The following ZNF589 variants were observed in gnomAD, a reference collection of about 807,000 sequenced individuals.
ZNF589 encodes KRAB-zinc finger protein SZF1-1.
A neutral mutation model predicts 13.6 loss-of-function variants in ZNF589; 17 were observed. The observed-to-expected ratio is 1.25, with a 90% CI of 0.86 to 1.88. The LOEUF is 1.88. ZNF589 is among the 40% of genes most tolerant of loss of function. The pLI is 0.00. For synonymous variants in ZNF589, 148 were observed against 161.6 expected, an observed-to-expected ratio of 0.92 and a Z score of 0.64; for missense variants, 407 against 434.0, an observed-to-expected ratio of 0.94 and a Z score of 0.55.
rs114050072 is a variant in ZNF589 at position 48,254,963 on chromosome 3, T to C, written c.97-5850T>C. 6.2e-4 allele frequency among the ~76,000 whole-genome samples: 94 copies of C among 152,240 alleles called. 1 individual carries two copies. Among genetic ancestry groups the C allele is most frequent in the African/African-American group, 2.2e-3 (93 of 41,558 alleles). On this transcript the variant is annotated intron_variant, in intron 2 of 3. Transcript: ENST00000354698. ...TTACTTCTTTTCAAATATGTGTACA[T>C]TTTCTTTTTCTTGTCTCATTGCAAT...
chr3:48,257,236 G>C (rs2033913770), intron 2 of ZNF589, among the ~76,000 whole-genome samples: 1 of 150,402 alleles, frequency 6.6e-6, no homozygotes, highest in Non-Finnish European at 1.5e-5. Context: ...ATAGTAAAAA[G>C]TTTTTGTTTT....
intron 3 of ZNF589, among the ~76,000 whole-genome samples, chr3:48,263,321 G>A (rs773896437): frequency 3.3e-5 from 5 of 152,134 alleles, no homozygotes; most frequent in Non-Finnish European, 7.4e-5. Flanking sequence ...TGTTGGTCAG[G>A]CTGGTCTCAA....
chr3:48,252,740 A>G (rs887825522), intron 2 of ZNF589, among the ~76,000 whole-genome samples: 4 of 143,772 alleles, frequency 2.8e-5, no homozygotes, highest in African/African-American at 1.0e-4. Context: ...CTCTTGCCTC[A>G]GCCTCCCAAG....
At chr3:48,256,351 T>C in intron 2 of ZNF589, 1 of 537,504 alleles carries the variant, frequency 1.9e-6, no homozygotes, top group East Asian at 5.0e-5. Context: ...TGTCTGTGAG[T>C]GATACAGCTT....
chr3:48,252,617 CTTTTTTTTTTTT>C (rs71625863), intron 2 of ZNF589, among the ~76,000 whole-genome samples: 9 of 97,286 alleles, frequency 9.3e-5, no homozygotes, highest in African/African-American at 2.2e-4. Flanking sequence ...AGAATAATAT[CTTTTTTTTTTTT>C]TTTTTTTTTT....
chr3:48,268,262 C>G lies in ZNF589; in HGVS notation c.571C>G (p.Pro191Ala). ...CAGAATATTAGAGATACAGCTCAGT[C>G]CAGCCCAGAATGCAAGCTCTGAGGA... ...GNRILEIQLS[P>A]AQNASSEEVD... is the part of the protein sequence containing the mutation. Residue 191 changes from proline (P) to alanine (A), a missense_variant, in exon 4 of 4, where the codon CCA becomes GCA. By Grantham distance (27) the Pro-to-Ala change is conservative. Transcript: ENST00000354698. 6.2e-7 allele frequency: 1 copy of G among 1,609,686 alleles called. No individual in the cohort carries two copies. Among genetic ancestry groups the G allele is most frequent in the East Asian group, 2.2e-5 (1 of 44,846 alleles).
In ZNF589 at chr3:48,260,881, G is replaced by C; in HGVS notation, c.165G>C (p.Glu55Asp). 1 of 1,614,206 alleles carries C rather than the reference G, an allele frequency of 6.2e-7. No individual in the cohort carries two copies. The highest frequency in any genetic ancestry group is 8.5e-7 in the Non-Finnish European group (1 of 1,180,040). The change falls in exon 3 of 4, where the codon GAG becomes GAC. Residue 55 changes from glutamate (E) to aspartate (D), a missense_variant. By Grantham distance (45) the Glu-to-Asp change is conservative (BLOSUM62 2). Transcript: ENST00000354698. Reference protein sequence around the residue: ...TEAEWKRLSLEQRNLYKEVML... With the variant: ...TEAEWKRLSLDQRNLYKEVML... ...CAGAGTGGAAGAGACTGAGCCTTGA[G>C]CAGAGGAACCTATACAAAGAAGTGA...
intron 2 of ZNF589, among the ~76,000 whole-genome samples, chr3:48,258,182 G>T (rs1047833869): frequency 1.3e-5 from 2 of 152,062 alleles, no homozygotes; most frequent in African/African-American, 4.8e-5. Context: ...CATTTATCTA[G>T]ATCTTTGATT....
At chr3:48,262,886 T>A (rs2033981771) in intron 3 of ZNF589, among the ~76,000 whole-genome samples, 1 of 152,204 alleles carries the variant, frequency 6.6e-6, no homozygotes, top group African/African-American at 2.4e-5. Flanking sequence ...ATGGCAGTGC[T>A]GGTTGTGGTG....
chr3:48,261,066 G>A (rs1040809275), intron 3 of ZNF589, 127 bp downstream of exon 3: 24 of 1,067,592 alleles, frequency 2.2e-5, no homozygotes, highest in Non-Finnish European at 3.1e-5. Flanking sequence ...TTCTTCTCTC[G>A]TGGAGCTTAT....
intron 1 of ZNF589, among the ~76,000 whole-genome samples, chr3:48,244,562 G>A (rs1213479020): frequency 6.6e-6 from 1 of 152,062 alleles, no homozygotes; most frequent in Admixed American, 6.6e-5. Flanking sequence ...AGGAGAAATT[G>A]TATATATGTC....
chr3:48,268,395 C>T lies in ZNF589; in HGVS notation c.704C>T (p.Ala235Val). The change falls in exon 4 of 4, where the codon GCA becomes GTA. Residue 235 changes from alanine to valine, a missense_variant. Ala to Val is a moderately conservative substitution (Grantham distance 64). Coordinates refer to ENST00000354698, the MANE Select transcript of ZNF589 (RefSeq NM_016089.3). ...AAGTCAAACCTGTTCAGACAGAAGG[C>T]AGTCACAGCAGAAAAATCTTCAGAC... is the stretch of plus-strand genomic sequence containing the variant. The part of the protein sequence containing the change: ...NQKSNLFRQK[A>V]VTAEKSSDKR... 1 of 1,614,210 alleles carries T rather than the reference C, an allele frequency of 6.2e-7. No individual in the cohort carries two copies. Among genetic ancestry groups the T allele is most frequent in the Non-Finnish European group, 8.5e-7 (1 of 1,180,038 alleles).
intron 2 of ZNF589, among the ~76,000 whole-genome samples, chr3:48,253,738 G>A (rs2033866715): frequency 6.6e-6 from 1 of 151,824 alleles, no homozygotes; most frequent in South Asian, 2.1e-4. Flanking sequence ...TCCTGACCTC[G>A]TGATCCACCC....
At chr3:48,263,165 A>G (rs1433503696) in intron 3 of ZNF589, among the ~76,000 whole-genome samples, 2 of 150,930 alleles carry the variant, frequency 1.3e-5, no homozygotes, top group East Asian at 3.9e-4. Flanking sequence ...GCTGGAGTGC[A>G]ATGGTGCAAT....
intron 3 of ZNF589, among the ~76,000 whole-genome samples, chr3:48,266,883 A>T (rs1160890256): frequency 6.6e-6 from 1 of 152,246 alleles, no homozygotes; most frequent in African/African-American, 2.4e-5. Flanking sequence ...ACATAATGCC[A>T]TAAGCATTTG....
In ZNF589 at chr3:48,263,737, C is replaced by T. The variant is rs533743414; in HGVS notation, c.223+2798C>T. ...TTGCGCCACTGCACTCCAACCTGGGCAACAGAGCAAGACTCCATCTTGGAG... is the reference window on the plus strand; with the variant it reads ...TTGCGCCACTGCACTCCAACCTGGGTAACAGAGCAAGACTCCATCTTGGAG... On this transcript the variant is annotated intron_variant, in intron 3 of 3. Coordinates refer to ENST00000354698, the MANE Select transcript of ZNF589 (RefSeq NM_016089.3). 2.6e-5 allele frequency among the ~76,000 whole-genome samples: 4 copies of T among 152,154 alleles called. No homozygotes were observed. The South Asian group carries it at 8.3e-4, about 32-fold the overall frequency.
rs2034064040 is a variant in ZNF589 at position 48,269,382 on chromosome 3, G to C, written c.*596G>C. On this transcript the variant is annotated 3_prime_UTR_variant, in exon 4 of 4. Coordinates refer to ENST00000354698, the MANE Select transcript of ZNF589 (RefSeq NM_016089.3). ...TATGTGTGCAGCCAGTGTGGGCGAG[G>C]CTTTTGTGATAAATCAACTCTCCTC... 1 of 701,154 alleles carries C rather than the reference G, an allele frequency of 1.4e-6. No individual in the cohort carries two copies. Among genetic ancestry groups the C allele is most frequent in the African/African-American group, 1.8e-5 (1 of 54,426 alleles). 43.4% of individuals were successfully genotyped at this position (701,154 alleles called of 1,614,324 possible). A position where few individuals can be genotyped will look rare whatever the true frequency, so the allele number is the denominator to read the frequency against.
chr3:48,268,039 C>T lies in ZNF589; in HGVS notation c.348C>T (p.Leu116=). ...CAGGTTTCCATGCAGGAAATCAACT[C>T]CACCCAGGAAATCCCTGCCCAGAGG... ...PIPGFHAGNQ[L]HPGNPCPEDQ... Residue 116 remains leucine, a synonymous_variant, in exon 4 of 4, where the codon CTC becomes CTT. Transcript: ENST00000354698. The T allele has an allele frequency of 1.2e-6, 2 of 1,614,228 alleles. No individual in the cohort carries two copies. The highest frequency in any genetic ancestry group is 2.7e-5 in the African/African-American group (2 of 75,060).
chr3:48,267,522 G>A (rs1295504644), intron 3 of ZNF589, among the ~76,000 whole-genome samples: 2 of 151,706 alleles, frequency 1.3e-5, no homozygotes, highest in Non-Finnish European at 2.9e-5. Context: ...TCAGCCTCCC[G>A]AGTAGCTGGG....
Sources: gnomAD v4.1 joint callset for allele counts (sites outside exome capture counted in the v4.1 genomes callset) on GRCh38, gnomAD v4.1.1 for gene constraint, MANE v1.5 for transcripts, NCBI Gene and HGNC (gene_info 2026-07-23, HGNC 2026-07-21) for gene names.